The following CSMD1 variants were observed in gnomAD, a reference collection of about 807,000 sequenced individuals.
CSMD1 encodes CUB and Sushi multiple domains 1, also known as CUB and sushi domain-containing protein 1.
In CSMD1, 213 loss-of-function variants were observed where a neutral mutation model predicts 417.5. The observed-to-expected ratio is 0.51, with a 90% CI of 0.46 to 0.57. The LOEUF (loss-of-function observed/expected upper bound fraction) is 0.57, where lower values mean the gene tolerates loss of function less well. Among genes scored for constraint, CSMD1 ranks in the 20% least tolerant of loss-of-function variants. The probability of loss-of-function intolerance (pLI) is 0.00; values close to 1 mark genes in which losing one functional copy is unlikely to be tolerated. For missense variants in CSMD1, 6,923 were observed against 4,529.7 expected (o/e 1.53, Z -15.17); for synonymous variants, 2,862 against 1,736.8 (o/e 1.65, Z -16.11).
chr8:3,544,470 G>C (rs1798573032), intron 10 of CSMD1, among the ~76,000 whole-genome samples: 1 of 152,032 alleles, frequency 6.6e-6, no homozygotes, highest in South Asian at 2.1e-4. Flanking sequence ...TCTGTCCATG[G>C]AGTAGCTTGC....
At chr8:3,215,432 T>G (rs544108835) in intron 29 of CSMD1, among the ~76,000 whole-genome samples, 20 of 152,286 alleles carry the variant, frequency 1.3e-4, no homozygotes, top group Non-Finnish European at 1.5e-4. Context: ...TGGAACTAGG[T>G]GCATTTCTTG....
chr8:4,264,502 T>G (rs1249589375), intron 3 of CSMD1, among the ~76,000 whole-genome samples: 2 of 152,162 alleles, frequency 1.3e-5, no homozygotes, highest in Non-Finnish European at 2.9e-5. Context: ...CAAGCTAATG[T>G]GTACCCCCCC....
intron 23 of CSMD1, among the ~76,000 whole-genome samples, chr8:3,324,869 A>G (rs1057153004): frequency 6.6e-6 from 1 of 151,954 alleles, no homozygotes; most frequent in African/African-American, 2.4e-5. Context: ...AATATTCCCA[A>G]TTGCCTTGGT....
chr8:3,996,863 A>C (rs1815261463), intron 5 of CSMD1, among the ~76,000 whole-genome samples: 1 of 152,184 alleles, frequency 6.6e-6, no homozygotes, highest in South Asian at 2.1e-4. Flanking sequence ...ACAAAGTGCA[A>C]CTCAATTCAA....
intron 23 of CSMD1, among the ~76,000 whole-genome samples, chr8:3,311,114 C>A (rs949814811): frequency 6.6e-6 from 1 of 152,116 alleles, no homozygotes; most frequent in African/African-American, 2.4e-5. Context: ...TTCCAAATGT[C>A]TTAAATTCAC....
At chr8:3,409,252 G>A (rs1812531315) in intron 13 of CSMD1, among the ~76,000 whole-genome samples, 171 bp downstream of exon 13, 1 of 152,222 alleles carries the variant, frequency 6.6e-6, no homozygotes, top group South Asian at 2.1e-4. Context: ...AATGAAGAAA[G>A]CAGGCAAGTT....
At chr8:3,752,676 CAAAA>C (rs200769696) in intron 6 of CSMD1, among the ~76,000 whole-genome samples, 2 of 96,938 alleles carry the variant, frequency 2.1e-5, no homozygotes, top group Non-Finnish European at 1.9e-5. Context: ...CCCCGCCTGG[CAAAA>C]AAAAAAAAAA....
intron 2 of CSMD1, among the ~76,000 whole-genome samples, chr8:4,465,984 G>T (rs747116704): frequency 1.3e-5 from 2 of 152,148 alleles, no homozygotes; most frequent in Non-Finnish European, 2.9e-5. Context: ...GGACAGATGG[G>T]AAAAGACTGA....
chr8:4,045,459 C>T (rs1374820869), intron 3 of CSMD1, among the ~76,000 whole-genome samples: 1 of 152,132 alleles, frequency 6.6e-6, no homozygotes, highest in Non-Finnish European at 1.5e-5. Context: ...TCGGAAGGGC[C>T]ACTGGTGCTG....
chr8:4,409,856 C>T (rs1444384626), intron 3 of CSMD1, among the ~76,000 whole-genome samples: 2 of 152,010 alleles, frequency 1.3e-5, no homozygotes, highest in Non-Finnish European at 1.5e-5. Context: ...CTCTGTTGCC[C>T]AGGCTGGAGT....
intron 23 of CSMD1, among the ~76,000 whole-genome samples, chr8:3,332,421 G>A (rs1267576765): frequency 6.6e-6 from 1 of 152,238 alleles, no homozygotes; most frequent in East Asian, 1.9e-4. Flanking sequence ...GCTGGGAAGA[G>A]GAGAGGAGGG....
Position 3,675,760 on chromosome 8 carries a change from G to A in CSMD1, c.1009+32654C>T, listed in dbSNP as rs915411330. 2.0e-5 allele frequency among the ~76,000 whole-genome samples: 3 copies of A among 152,148 alleles called. 1 individual carries two copies. The highest frequency in any genetic ancestry group is 6.8e-3 in the Middle Eastern group (2 of 294). ...TGGACTTCCAGTCTCAAAACTGTGA[G>A]AAATATATGTCTGTTGTTTAAGCTG... is the stretch of plus-strand genomic sequence containing the variant. On this transcript the variant is annotated intron_variant, in intron 7 of 69. Transcript: ENST00000635120.
rs906950460 is a variant in CSMD1, at chr8:3,720,284, T to C, written c.932-11793A>G. On this transcript the variant is annotated intron_variant, in intron 6 of 69. Transcript: ENST00000635120. ...CACATCTTACCATTTAATCAATCAA[T>C]AGAGCTTACAGAAGAAAAAAGAAAG... 7.2e-5 allele frequency among the ~76,000 whole-genome samples: 11 copies of C among 152,076 alleles called. No homozygotes were observed. In the South Asian group the frequency reaches 1.5e-3, roughly 20 times the overall value.
chr8:3,671,680 G>A (rs532319461), intron 7 of CSMD1, among the ~76,000 whole-genome samples: 1 of 150,396 alleles, frequency 6.6e-6, no homozygotes, highest in East Asian at 2.0e-4. Flanking sequence ...AAGGTGCTGT[G>A]AGCTCCTTGG....
intron 7 of CSMD1, among the ~76,000 whole-genome samples, chr8:3,700,794 T>A (rs1204128169): frequency 6.6e-6 from 1 of 151,686 alleles, no homozygotes; most frequent in African/African-American, 2.4e-5. Context: ...GATGCAAGGG[T>A]GGGAGCAAAG....
intron 23 of CSMD1, among the ~76,000 whole-genome samples, chr8:3,317,765 T>G (rs926950716): frequency 1.3e-5 from 2 of 152,194 alleles, no homozygotes; most frequent in Non-Finnish European, 2.9e-5. Flanking sequence ...AAATTTTGTG[T>G]TTAGTAAAAT....
At chr8:4,761,376 G>T (rs1044692426) in intron 1 of CSMD1, among the ~76,000 whole-genome samples, 1 of 151,164 alleles carries the variant, frequency 6.6e-6, no homozygotes, top group African/African-American at 2.4e-5. Flanking sequence ...TACTTGGTGT[G>T]TGTGTGTGTA....
intron 10 of CSMD1, among the ~76,000 whole-genome samples, chr8:3,563,835 G>A (rs1193641568): frequency 6.6e-6 from 1 of 152,162 alleles, no homozygotes; most frequent in Non-Finnish European, 1.5e-5. Context: ...GTTGCAGTGA[G>A]CCAAGAGTAT....
chr8:3,966,090 C>A (rs796524694), intron 5 of CSMD1, among the ~76,000 whole-genome samples: 31 of 152,280 alleles, frequency 2.0e-4, no homozygotes, highest in African/African-American at 6.3e-4. Flanking sequence ...GGAGTAGGGA[C>A]TACGAATGTA....
Sources: gnomAD v4.1 joint callset for allele counts (sites outside exome capture counted in the v4.1 genomes callset) on GRCh38, gnomAD v4.1.1 for gene constraint, MANE v1.5 for transcripts, NCBI Gene and HGNC (gene_info 2026-07-23, HGNC 2026-07-21) for gene names.